MGMT: variants seen among roughly 807,000 people sequenced by gnomAD.
MGMT encodes the protein methylated-DNA--protein-cysteine methyltransferase.
MGMT carries 14 observed loss-of-function variants against 15.9 expected under a neutral mutation model. The ratio of observed to expected loss-of-function variants is 0.88; its 90% CI spans 0.58 to 1.37. MGMT has a LOEUF of 1.37. Ranked by LOEUF, MGMT falls within the 40% of genes most tolerant of loss-of-function variation. The pLI is 0.00. For synonymous variants in MGMT, 130 were observed against 118.2 expected, an observed-to-expected ratio of 1.10 and a Z score of -0.65; for missense variants, 282 against 268.1, an observed-to-expected ratio of 1.05 and a Z score of -0.36.
At chr10:129,598,290 G>A (rs1361024321) in intron 2 of MGMT, among the ~76,000 whole-genome samples, 2 of 152,146 alleles carry the variant, frequency 1.3e-5, no homozygotes, top group African/African-American at 4.8e-5. Flanking sequence ...ACCCTGCGTG[G>A]GCCACTTCTT....
chr10:129,663,021 A>T (rs1847617655), intron 2 of MGMT, among the ~76,000 whole-genome samples: 1 of 152,246 alleles, frequency 6.6e-6, no homozygotes, highest in African/African-American at 2.4e-5. Context: ...GTAAGGAATG[A>T]TACAGGAGAC....
Position 129,481,663 on chromosome 10 carries a change from G to A in MGMT, c.-13+14367G>A, listed in dbSNP as rs144276749. Among the ~76,000 whole-genome samples the A allele has an allele frequency of 3.4e-4, 51 of 152,154 alleles. No individual in the cohort carries two copies. The East Asian group carries it at 9.1e-3, about 27-fold the overall frequency. ...TTTATTTCTTCTTGAGTGACTTTTT[G>A]GGATTTTGTATTTGTCAAGGAATTT... On this transcript the variant is annotated intron_variant, in intron 1 of 4. Transcript: ENST00000651593.
chr10:129,716,750 A>G (rs1320282800), intron 3 of MGMT, among the ~76,000 whole-genome samples: 3 of 152,250 alleles, frequency 2.0e-5, no homozygotes, highest in Non-Finnish European at 4.4e-5. Context: ...AGAAGGCTGT[A>G]GAAACTGTAC....
At chr10:129,487,497 T>C (rs1845420365) in intron 1 of MGMT, among the ~76,000 whole-genome samples, 1 of 152,110 alleles carries the variant, frequency 6.6e-6, no homozygotes, top group Non-Finnish European at 1.5e-5. Flanking sequence ...TATAGACTTT[T>C]GGTAGAAAGG....
intron 2 of MGMT, among the ~76,000 whole-genome samples, chr10:129,633,559 A>G (rs918873117): frequency 3.3e-5 from 5 of 152,196 alleles, no homozygotes; most frequent in African/African-American, 9.7e-5. Flanking sequence ...ACTTTTTAAA[A>G]CTAGCGACTT....
intron 2 of MGMT, among the ~76,000 whole-genome samples, chr10:129,582,008 A>T (rs1846561925): frequency 6.6e-6 from 1 of 152,190 alleles, no homozygotes. Flanking sequence ...AGGGTGTGCG[A>T]GCCACGTGGG....
rs1204385162 is a variant in MGMT at position 129,532,413 on chromosome 10, G to T, written c.-12-3828G>T. Among the ~76,000 whole-genome samples the T allele has an allele frequency of 1.3e-5, 2 of 152,180 alleles. No homozygotes were observed. Among genetic ancestry groups the T allele is most frequent in the African/African-American group, 4.8e-5 (2 of 41,460 alleles). On this transcript the variant is annotated intron_variant, in intron 1 of 4. Coordinates refer to ENST00000651593, the MANE Select transcript of MGMT (RefSeq NM_002412.5). The surrounding 1 kb of genome is among the most constrained non-coding windows in gnomAD (Gnocchi z 5.3). Reference sequence around the variant, plus strand: ...CCCAACCGCTGGCCTCCCAAGTTTGGCTTCTTGTGGTCAGGGCCCAGACCA... The same window carrying T: ...CCCAACCGCTGGCCTCCCAAGTTTGTCTTCTTGTGGTCAGGGCCCAGACCA...
At chr10:129,725,376 C>G (rs1351286644) in intron 3 of MGMT, among the ~76,000 whole-genome samples, 1 of 152,238 alleles carries the variant, frequency 6.6e-6, no homozygotes, top group Non-Finnish European at 1.5e-5. Context: ...GCCCGAAGTT[C>G]CATGTCAGTA....
Position 129,770,278 on chromosome 10 carries a change from A to G in MGMT, c.*3281A>G, listed in dbSNP as rs1848986041. Reference sequence around the variant, plus strand: ...AACTGTAAGATAAGGATAAAATCCCATCCACCTGAATTGCTGAGAAACGTA... The same window carrying G: ...AACTGTAAGATAAGGATAAAATCCCGTCCACCTGAATTGCTGAGAAACGTA... On this transcript the variant is annotated 3_prime_UTR_variant, in exon 5 of 5. Coordinates refer to ENST00000651593, the MANE Select transcript of MGMT (RefSeq NM_002412.5). Among the ~76,000 whole-genome samples, 1 of 152,236 alleles carries G rather than the reference A, an allele frequency of 6.6e-6. No homozygotes were observed. The highest frequency in any genetic ancestry group is 2.4e-5 in the African/African-American group (1 of 41,470).
intron 2 of MGMT, among the ~76,000 whole-genome samples, chr10:129,625,698 C>T (rs528905533): frequency 2.1e-4 from 32 of 151,300 alleles, no homozygotes; most frequent in African/African-American, 6.6e-4. Context: ...AATTCTCTTA[C>T]ATGACAGCGT....
At chr10:129,531,787 G>C (rs970957517) in intron 1 of MGMT, among the ~76,000 whole-genome samples, 5 of 56,976 alleles carry the variant, frequency 8.8e-5, no homozygotes, top group Admixed American at 6.0e-4. Context: ...GGTGGGGGTG[G>C]GGGGGGGTGG....
At chr10:129,543,463 G>A (rs1490515163) in intron 2 of MGMT, among the ~76,000 whole-genome samples, 1 of 152,176 alleles carries the variant, frequency 6.6e-6, no homozygotes. Context: ...CGCCACAGAA[G>A]AGCGAGGTTC....
At chr10:129,558,750 T>C (rs1846244171) in intron 2 of MGMT, among the ~76,000 whole-genome samples, 1 of 152,238 alleles carries the variant, frequency 6.6e-6, no homozygotes, top group Non-Finnish European at 1.5e-5. Flanking sequence ...CACACCACTT[T>C]TATCATCTTC....
chr10:129,593,948 T>G (rs1280828361), intron 2 of MGMT, among the ~76,000 whole-genome samples: 2 of 152,234 alleles, frequency 1.3e-5, no homozygotes, highest in African/African-American at 4.8e-5. Flanking sequence ...GAAATGAGCC[T>G]CGACTTTGCT....
intron 3 of MGMT, among the ~76,000 whole-genome samples, chr10:129,745,881 T>C (rs753047193): frequency 5.2e-4 from 79 of 152,134 alleles, no homozygotes; most frequent in Non-Finnish European, 1.0e-3. Flanking sequence ...AGGACTCTTG[T>C]TGGATTTCTT....
chr10:129,515,545 C>T (rs1478757436), intron 1 of MGMT, among the ~76,000 whole-genome samples: 2 of 152,216 alleles, frequency 1.3e-5, no homozygotes. Context: ...AGTGGAAGCT[C>T]CAGTCCCCTA....
At chr10:129,724,432 C>T (rs751700684) in intron 3 of MGMT, among the ~76,000 whole-genome samples, 12 of 152,160 alleles carry the variant, frequency 7.9e-5, no homozygotes, top group Non-Finnish European at 1.8e-4. Flanking sequence ...ATGTTCTAGA[C>T]CATGACGGCC....
At chr10:129,598,340 G>A (rs545917039) in intron 2 of MGMT, among the ~76,000 whole-genome samples, 18 of 152,248 alleles carry the variant, frequency 1.2e-4, no homozygotes, top group South Asian at 6.2e-4. Context: ...TCTTTCTGGC[G>A]GCTTCCATCT....
chr10:129,595,485 C>T (rs76683232), intron 2 of MGMT, among the ~76,000 whole-genome samples: 4,025 of 152,268 alleles, frequency 0.026, 61 homozygotes, highest in Non-Finnish European at 0.038. Context: ...TCTGATCCCC[C>T]GTGCCACAGA....
Sources: gnomAD v4.1 joint callset for allele counts (sites outside exome capture counted in the v4.1 genomes callset) on GRCh38, gnomAD v4.1.1 for gene constraint, Gnocchi (gnomAD v3.1) non-coding constraint, MANE v1.5 for transcripts, NCBI Gene and HGNC (gene_info 2026-07-23, HGNC 2026-07-21) for gene names.